Variants in RRBP1 observed in about 807,000 individuals in gnomAD.
RRBP1 encodes ribosome binding protein 1, also known as ribosome-binding protein 1.
Under a neutral mutation model 165.2 loss-of-function variants are expected in RRBP1, and 94 were observed. That is an observed-to-expected ratio of 0.57 (90% CI 0.48 to 0.68). RRBP1 has a LOEUF of 0.68. RRBP1 is among the 30% of genes least tolerant of loss of function. The probability of loss-of-function intolerance (pLI) is 0.00; values close to 1 mark genes in which losing one functional copy is unlikely to be tolerated. For missense variants in RRBP1, 1,676 were observed against 1,763.0 expected (o/e 0.95, Z 0.88); for synonymous variants, 680 against 714.5 (o/e 0.95, Z 0.77).
chr20:17,635,512 T>C (rs373045328), intron 7 of RRBP1, 34 bp downstream of exon 7: 1 of 1,497,860 alleles, frequency 6.7e-7, no homozygotes, highest in African/African-American at 1.4e-5. Context: ...CCAGGGCCCT[T>C]GGGGAGGTGC....
chr20:17,677,752 T>A (rs2037109291), intron 2 of RRBP1, among the ~76,000 whole-genome samples: 1 of 151,810 alleles, frequency 6.6e-6, no homozygotes, highest in Non-Finnish European at 1.5e-5. Flanking sequence ...GGCAGAAGAA[T>A]CACTTGAACC....
Position 17,616,774 on chromosome 20 carries a change from A to G in RRBP1, c.3825T>C (p.Ala1275=). The G allele has an allele frequency of 6.2e-7, 1 of 1,612,700 alleles. No homozygotes were observed. The stretch of plus-strand genomic sequence containing the variant: ...CGGCTGGGGGCGCCTCTGGGGAGGA[A>G]GCTGGGGCCCCAGCTATGTCACCAT... The part of the protein sequence containing the change: ...VEDGDIAGAP[A]SSPEAPPAEQ... Residue 1275 remains alanine (A), a synonymous_variant, in exon 21 of 25, where the codon GCT becomes GCC. Coordinates refer to ENST00000377813, the MANE Select transcript of RRBP1 (RefSeq NM_001365613.2).
At position 17,635,612 on chromosome 20, in the gene RRBP1, C is replaced by T. The variant is rs1048608659; in HGVS notation, c.2390G>A (p.Arg797His). Residue 797 changes from arginine (R) to histidine (H), a missense_variant, in exon 7 of 25, where the codon CGC becomes CAC. By Grantham distance (29) the Arg-to-His change is conservative. This residue lies in a region of RRBP1 where 1,184 missense variants were observed against 1,167.1 expected (regional missense o/e 1.01). Coordinates refer to ENST00000377813, the MANE Select transcript of RRBP1 (RefSeq NM_001365613.2). ...LENGPNTQLA[R>H]LQQENSILRD... The stretch of plus-strand genomic sequence containing the variant: ...CAGGATGGAGTTCTCCTGCTGCAGG[C>T]GGGCCAGCTGCGTGTTGGGGCCATT... The T allele has an allele frequency of 8.7e-6, 14 of 1,613,162 alleles. No individual in the cohort carries two copies. The highest frequency in any genetic ancestry group is 2.7e-5 in the African/African-American group (2 of 74,914).
chr20:17,660,868 G>A (rs1468968402), intron 2 of RRBP1, among the ~76,000 whole-genome samples: 1 of 152,202 alleles, frequency 6.6e-6, no homozygotes, highest in Non-Finnish European at 1.5e-5. Flanking sequence ...ATGCACAGGA[G>A]CACAAACACA....
In RRBP1 at chr20:17,633,491, G is replaced by T; in HGVS notation, c.2579C>A (p.Ala860Asp). The change falls in exon 8 of 25, where the codon GCT becomes GAT. Residue 860 changes from alanine (A) to aspartate (D), a missense_variant. Physicochemically the swap from Ala to Asp is moderately radical, Grantham distance 126. This residue lies in a region of RRBP1 where 1,184 missense variants were observed against 1,167.1 expected (regional missense o/e 1.01). Coordinates refer to ENST00000377813, the MANE Select transcript of RRBP1 (RefSeq NM_001365613.2). ...CTGCAGGACCTGCTTCTCGAAGGCA[G>T]CTGCCTTGGCTTCCAGAGCTTTCCG... ...QQRKALEAKA[A>D]AFEKQVLQLQ... 6.2e-7 allele frequency: 1 copy of T among 1,613,930 alleles called. No individual in the cohort carries two copies. Among genetic ancestry groups the T allele is most frequent in the Non-Finnish European group, 8.5e-7 (1 of 1,180,020 alleles).
chr20:17,614,138 A>C lies in RRBP1; in HGVS notation c.*44T>G. The C allele has an allele frequency of 6.2e-7, 1 of 1,602,162 alleles. No individual in the cohort carries two copies. Among genetic ancestry groups the C allele is most frequent in the Non-Finnish European group, 8.6e-7 (1 of 1,169,104 alleles). ...TTTATTTGTAAGGAATGTGTAAGGC[A>C]TTTTGGTAAGTTGAACAGTAACTTC... On this transcript the variant is annotated 3_prime_UTR_variant, in exon 25 of 25. Transcript: ENST00000377813.
At position 17,615,478 on chromosome 20, in the gene RRBP1, C is replaced by T. The variant is rs1260395422; in HGVS notation, c.4003G>A (p.Ala1335Thr). 6.2e-7 allele frequency: 1 copy of T among 1,607,402 alleles called. No homozygotes were observed. Among genetic ancestry groups the T allele is most frequent in the African/African-American group, 1.3e-5 (1 of 74,596 alleles). Residue 1335 changes from alanine (A) to threonine (T), a missense_variant, in exon 23 of 25, where the codon GCC (alanine) becomes ACC (threonine). Coordinates refer to ENST00000377813, the MANE Select transcript of RRBP1 (RefSeq NM_001365613.2). ...LQEELEKLRTAGPLESSETEE... is the reference protein window; with the variant it reads ...LQEELEKLRTTGPLESSETEE... ...GTTTCTGAAGACTCTAGGGGGCCGG[C>T]TGTGCGGAGCTTCTCCAATTCTTCT...
rs370240649 is a variant in RRBP1 at position 17,620,393 on chromosome 20, C to T, written c.3508-23G>A. ...GGACTACAAAGCAAGGGGAAGGCTC[C>T]GTCAGACACGAGCACCTGGGGGTGT... On this transcript the variant is annotated intron_variant, in intron 17 of 24. Transcript: ENST00000377813. 182 of 1,600,608 alleles carry T rather than the reference C, an allele frequency of 1.1e-4. No individual in the cohort carries two copies. The African/African-American group carries it at 2.1e-3, about 18-fold the overall frequency.
At chr20:17,637,310 G>A (rs1351913300) in intron 5 of RRBP1, among the ~76,000 whole-genome samples, 1 of 152,144 alleles carries the variant, frequency 6.6e-6, no homozygotes, top group East Asian at 1.9e-4. Context: ...GCCGAGTCTG[G>A]GGGGTCCGGC....
intron 22 of RRBP1, 95 bp downstream of exon 22, chr20:17,615,831 G>T: frequency 8.9e-7 from 1 of 1,118,748 alleles, no homozygotes; most frequent in Non-Finnish European, 1.3e-6. Flanking sequence ...GTGCTGCTGG[G>T]CACAGCCGAG....
intron 5 of RRBP1, among the ~76,000 whole-genome samples, chr20:17,639,578 C>A (rs138639002): frequency 2.6e-4 from 39 of 152,284 alleles, no homozygotes; most frequent in African/African-American, 8.9e-4. Flanking sequence ...CAGTGCTGGG[C>A]AGTTGCAGTG....
intron 3 of RRBP1, among the ~76,000 whole-genome samples, chr20:17,652,594 T>C (rs528556567): frequency 2.6e-5 from 4 of 152,214 alleles, no homozygotes; most frequent in Admixed American, 6.5e-5. Flanking sequence ...CCTGTGTTTC[T>C]AGATGCCCAG....
At chr20:17,667,851 T>C (rs1416663472) in intron 2 of RRBP1, among the ~76,000 whole-genome samples, 5 of 152,180 alleles carry the variant, frequency 3.3e-5, no homozygotes, top group Non-Finnish European at 7.3e-5. Context: ...ACTTTCTCAG[T>C]CCTTAAAGCC....
intron 3 of RRBP1, among the ~76,000 whole-genome samples, chr20:17,645,859 T>G (rs1046461934): frequency 4.6e-5 from 7 of 152,186 alleles, no homozygotes; most frequent in Admixed American, 3.3e-4. Flanking sequence ...CAGTGAATGC[T>G]GGAAAAGCTC....
chr20:17,639,861 C>G (rs1357972761), intron 5 of RRBP1, among the ~76,000 whole-genome samples: 1 of 147,142 alleles, frequency 6.8e-6, no homozygotes, highest in Non-Finnish European at 1.5e-5. Context: ...CCATTGCACT[C>G]CAGCCTGGGC....
At chr20:17,628,535 C>G (rs902806125) in intron 9 of RRBP1, among the ~76,000 whole-genome samples, 4 of 152,230 alleles carry the variant, frequency 2.6e-5, no homozygotes, top group African/African-American at 9.6e-5. Context: ...TGTCCAGAAG[C>G]GCACATGAGA....
intron 11 of RRBP1, among the ~76,000 whole-genome samples, chr20:17,626,584 G>T (rs1436432336): frequency 6.6e-6 from 1 of 152,206 alleles, no homozygotes; most frequent in Admixed American, 6.5e-5. Context: ...ATCTGACCGT[G>T]TGCGAGGGAA....
At chr20:17,614,949 A>G (rs2035768267) in intron 23 of RRBP1, 69 bp from the exon 24 acceptor site, 3 of 1,555,604 alleles carry the variant, frequency 1.9e-6, no homozygotes, top group Non-Finnish European at 2.6e-6. Flanking sequence ...CTATGCCCAC[A>G]GGACCCTGAC....
chr20:17,642,073 A>G (rs2036373661), intron 4 of RRBP1, among the ~76,000 whole-genome samples, 154 bp from the exon 5 acceptor site: 1 of 152,184 alleles, frequency 6.6e-6, no homozygotes. Context: ...TTGTGGGGAA[A>G]GGCGGCCCCG....
Sources: allele counts gnomAD v4.1 joint callset (sites outside exome capture counted in the v4.1 genomes callset), GRCh38; gene constraint gnomAD v4.1.1; regional missense constraint gnomAD v4.1.1; transcripts MANE v1.5; gene names NCBI Gene and HGNC (gene_info 2026-07-23, HGNC 2026-07-21).